The following NYAP2 variants were observed in gnomAD, a reference collection of about 807,000 sequenced individuals.
NYAP2 encodes neuronal tyrosine-phosphorylated phosphoinositide-3-kinase adapter 2.
A neutral mutation model predicts 50.4 loss-of-function variants in NYAP2; 23 were observed. That is an observed-to-expected ratio of 0.46 (90% CI 0.33 to 0.65). The LOEUF (loss-of-function observed/expected upper bound fraction) is 0.65, where lower values mean the gene tolerates loss of function less well. Ranked by LOEUF, NYAP2 falls within the 30% of genes least tolerant of loss-of-function variation. The pLI is 0.02. For synonymous variants in NYAP2, 394 were observed against 365.2 expected (o/e 1.08, Z -0.90); for missense variants, 885 against 861.0 (o/e 1.03, Z -0.35).
intron 5 of NYAP2, among the ~76,000 whole-genome samples, chr2:225,617,658 G>GT (rs1264790955): frequency 6.6e-6 from 1 of 152,088 alleles, no homozygotes; most frequent in African/African-American, 2.4e-5. Flanking sequence ...CAAATTACTT[G>GT]TTTTTTATGG....
chr2:225,478,765 T>C (rs771484640), intron 3 of NYAP2, among the ~76,000 whole-genome samples: 1 of 152,128 alleles, frequency 6.6e-6, no homozygotes, highest in Non-Finnish European at 1.5e-5. Context: ...CAGGACCCTG[T>C]TGGAGGGTGG....
At chr2:225,678,784 T>C in the NYAP2 span, among the ~76,000 whole-genome samples, 1 of 152,130 alleles carries the variant, frequency 6.6e-6, no homozygotes, top group Non-Finnish European at 1.5e-5. Context: ...GCAGTGAGAA[T>C]GGATGTAAAT....
At chr2:225,604,393 A>G (rs1351643277) in intron 5 of NYAP2, among the ~76,000 whole-genome samples, 1 of 152,112 alleles carries the variant, frequency 6.6e-6, no homozygotes, top group East Asian at 1.9e-4. Context: ...CTGGGGCTCA[A>G]TAACTATTTG....
chr2:225,574,363 T>C (rs1316588283), intron 4 of NYAP2, among the ~76,000 whole-genome samples: 2 of 152,202 alleles, frequency 1.3e-5, no homozygotes, highest in African/African-American at 4.8e-5. Flanking sequence ...GTTAGACTCA[T>C]GTCCAGTTCT....
rs150130282 is a variant in NYAP2, at chr2:225,510,545, C to G, written c.222-2826C>G. 2.6e-3 allele frequency among the ~76,000 whole-genome samples: 399 copies of G among 152,332 alleles called. 1 individual carries two copies. Among genetic ancestry groups the G allele is most frequent in the African/African-American group, 9.1e-3 (377 of 41,582 alleles). On this transcript the variant is annotated intron_variant, in intron 3 of 6. Coordinates refer to ENST00000636099, the Ensembl canonical transcript of NYAP2. ...GAAACTAGTTGTATGCTGCATTTCA[C>G]AATCTTCAATTTGTTTTGGGCTAAT...
the NYAP2 span, among the ~76,000 whole-genome samples, chr2:225,685,684 A>T: frequency 6.6e-6 from 1 of 152,164 alleles, no homozygotes; most frequent in Non-Finnish European, 1.5e-5. Flanking sequence ...CTTTATAATC[A>T]TAAAATAGTC....
At chr2:225,541,081 T>C (rs540527075) in intron 4 of NYAP2, among the ~76,000 whole-genome samples, 2 of 152,340 alleles carry the variant, frequency 1.3e-5, no homozygotes, top group African/African-American at 4.8e-5. Flanking sequence ...TTGCAATTTG[T>C]ATGTCTTCTT....
At chr2:225,554,210 T>G (rs554375180) in intron 4 of NYAP2, among the ~76,000 whole-genome samples, 77 of 151,540 alleles carry the variant, frequency 5.1e-4, no homozygotes, top group Non-Finnish European at 6.9e-4. Flanking sequence ...TGTTGTTGTT[T>G]TTTTTTTTTT....
chr2:225,431,412 C>T (rs1328987635), intron 3 of NYAP2, among the ~76,000 whole-genome samples: 1 of 152,082 alleles, frequency 6.6e-6, no homozygotes, highest in African/African-American at 2.4e-5. Flanking sequence ...CTAGTTTAAG[C>T]TTTTTGAACA....
rs575613404 is a variant in NYAP2 at position 225,641,940 on chromosome 2, T to C, written c.1829-9492T>C. The stretch of plus-strand genomic sequence containing the variant: ...TCCATGTGAAACATAAAAATCATCT[T>C]TTAGAGTGGGCTTATACTTTAAAAT... On this transcript the variant is annotated intron_variant, in intron 6 of 6. Coordinates refer to ENST00000636099, the Ensembl canonical transcript of NYAP2. Among the ~76,000 whole-genome samples the C allele has an allele frequency of 4.6e-5, 7 of 152,288 alleles. 1 individual carries two copies. The South Asian group carries it at 1.4e-3, about 32-fold the overall frequency.
At chr2:225,495,177 G>C (rs953591624) in intron 3 of NYAP2, among the ~76,000 whole-genome samples, 1 of 152,118 alleles carries the variant, frequency 6.6e-6, no homozygotes, top group Non-Finnish European at 1.5e-5. Context: ...TTAAACCTGA[G>C]TATAAGAAAC....
intron 5 of NYAP2, among the ~76,000 whole-genome samples, chr2:225,622,568 TTTCTTTCTTTC>T (rs1693135834): frequency 3.7e-5 from 4 of 108,802 alleles, no homozygotes; most frequent in Admixed American, 9.6e-5. Context: ...TTTTTCTTTC[TTTCTTTCTTTC>T]TTCTTTCTTT....
At chr2:225,436,106 G>A (rs140464687) in intron 3 of NYAP2, among the ~76,000 whole-genome samples, 7 of 152,260 alleles carry the variant, frequency 4.6e-5, no homozygotes, top group Admixed American at 2.0e-4. Flanking sequence ...TACACACCCC[G>A]TTTAGTCAAT....
chr2:225,442,381 C>G (rs1305133728), intron 3 of NYAP2, among the ~76,000 whole-genome samples: 3 of 152,048 alleles, frequency 2.0e-5, no homozygotes, highest in Non-Finnish European at 4.4e-5. Context: ...ACAGTGAAGG[C>G]AAATCACCAA....
chr2:225,437,357 A>T (rs970428533), intron 3 of NYAP2, among the ~76,000 whole-genome samples: 1 of 152,290 alleles, frequency 6.6e-6, no homozygotes. Context: ...AACAGATATG[A>T]ACTGTTGGTA....
At chr2:225,481,767 A>G (rs963562411) in intron 3 of NYAP2, among the ~76,000 whole-genome samples, 14 of 152,278 alleles carry the variant, frequency 9.2e-5, no homozygotes, top group Admixed American at 6.5e-4. Flanking sequence ...TTTGGGAGGC[A>G]AGGTTCCACC....
At chr2:225,597,679 A>G (rs937794454) in intron 5 of NYAP2, among the ~76,000 whole-genome samples, 2 of 150,630 alleles carry the variant, frequency 1.3e-5, no homozygotes, top group South Asian at 4.2e-4. Flanking sequence ...GGTACCCAGT[A>G]GTGGGAATGC....
At chr2:225,402,230 G>T (rs1031815270) in intron 2 of NYAP2, among the ~76,000 whole-genome samples, 1 of 151,914 alleles carries the variant, frequency 6.6e-6, no homozygotes, top group Admixed American at 6.6e-5. Context: ...AGAAGCCTGA[G>T]GACTTGAAGC....
chr2:225,556,508 A>G (rs1691778098), intron 4 of NYAP2, among the ~76,000 whole-genome samples: 1 of 152,136 alleles, frequency 6.6e-6, no homozygotes, highest in Admixed American at 6.6e-5. Context: ...CTTCAATGTT[A>G]TGGCTCTGCT....
Sources: allele counts gnomAD v4.1 joint callset (sites outside exome capture counted in the v4.1 genomes callset), GRCh38; gene constraint gnomAD v4.1.1; transcripts MANE v1.5; gene names NCBI Gene and HGNC (gene_info 2026-07-23, HGNC 2026-07-21).